The following DIAPH3 variants were observed in gnomAD, a reference collection of about 807,000 sequenced individuals.
The protein encoded by DIAPH3 is protein diaphanous homolog 3.
Under a neutral mutation model 144.3 loss-of-function variants are expected in DIAPH3, and 117 were observed. That is an observed-to-expected ratio of 0.81 (90% confidence interval 0.70 to 0.95). The LOEUF (loss-of-function observed/expected upper bound fraction) is 0.95, where lower values mean the gene tolerates loss of function less well. DIAPH3 is among the 40% of genes least tolerant of loss of function. DIAPH3 has a pLI of 0.00. For missense variants in DIAPH3, 1,421 were observed against 1,412.7 expected, an observed-to-expected ratio of 1.01 and a Z score of -0.09; for synonymous variants, 519 against 488.9, an observed-to-expected ratio of 1.06 and a Z score of -0.81.
At chr13:59,863,494 A>G (rs2043726595) in intron 21 of DIAPH3, among the ~76,000 whole-genome samples, 1 of 152,182 alleles carries the variant, frequency 6.6e-6, no homozygotes, top group Non-Finnish European at 1.5e-5. Context: ...AATAACTGTT[A>G]AAGTCCAGTA....
chr13:60,163,517 G>A, intron 1 of DIAPH3, 70 bp downstream of exon 1: 1 of 1,574,734 alleles, frequency 6.4e-7, no homozygotes, highest in Non-Finnish European at 8.6e-7. Context: ...AGTTCTTGTG[G>A]GCCCACCCTC....
chr13:59,742,547 A>G (rs1050490620), intron 27 of DIAPH3, among the ~76,000 whole-genome samples: 2 of 152,000 alleles, frequency 1.3e-5, no homozygotes, highest in Non-Finnish European at 2.9e-5. Flanking sequence ...TGATGTAAGC[A>G]TGGATGCTGC....
At chr13:59,883,384 G>A (rs1189027397) in intron 20 of DIAPH3, among the ~76,000 whole-genome samples, 1 of 151,970 alleles carries the variant, frequency 6.6e-6, no homozygotes, top group Non-Finnish European at 1.5e-5. Flanking sequence ...GTTGTCAGAT[G>A]TTTTTTTCCC....
intron 27 of DIAPH3, among the ~76,000 whole-genome samples, chr13:59,671,539 A>G (rs1214677169): frequency 6.6e-6 from 1 of 152,166 alleles, no homozygotes; most frequent in African/African-American, 2.4e-5. Context: ...CTCTATGTGC[A>G]ATATATCTAG....
chr13:59,813,027 T>C (rs1314462277), intron 24 of DIAPH3, among the ~76,000 whole-genome samples: 1 of 152,002 alleles, frequency 6.6e-6, no homozygotes, highest in Non-Finnish European at 1.5e-5. Context: ...CTACCTATTA[T>C]AAAAGACTGC....
At chr13:60,051,274 C>G (rs2056333794) in intron 4 of DIAPH3, among the ~76,000 whole-genome samples, 1 of 151,580 alleles carries the variant, frequency 6.6e-6, no homozygotes, top group Admixed American at 6.6e-5. Context: ...TGAGAATGAC[C>G]AAGAAAAGGA....
At chr13:60,086,613 A>C (rs938623484) in intron 4 of DIAPH3, among the ~76,000 whole-genome samples, 2 of 144,680 alleles carry the variant, frequency 1.4e-5, no homozygotes, top group African/African-American at 5.1e-5. Flanking sequence ...AAAAAAAAAA[A>C]TTCACGTTAA....
At chr13:59,861,990 G>A (rs1328110586) in intron 21 of DIAPH3, among the ~76,000 whole-genome samples, 1 of 152,152 alleles carries the variant, frequency 6.6e-6, no homozygotes, top group Non-Finnish European at 1.5e-5. Context: ...ATTTGCCTTG[G>A]TGTGACAAAT....
chr13:59,959,032 T>C (rs556745719), intron 17 of DIAPH3, among the ~76,000 whole-genome samples: 1 of 152,144 alleles, frequency 6.6e-6, no homozygotes, highest in African/African-American at 2.4e-5. Flanking sequence ...TCCGCCATCA[T>C]ACCCTGCTAA....
At chr13:60,063,068 T>C (rs1354265901) in intron 4 of DIAPH3, among the ~76,000 whole-genome samples, 1 of 152,220 alleles carries the variant, frequency 6.6e-6, no homozygotes, top group Non-Finnish European at 1.5e-5. Flanking sequence ...TGATAGCATT[T>C]TACTTTCAAA....
At chr13:60,042,634 A>G in intron 5 of DIAPH3, 56 bp downstream of exon 5, 3 of 1,607,596 alleles carry the variant, frequency 1.9e-6, no homozygotes, top group Non-Finnish European at 2.6e-6. Context: ...AAAGTATTAA[A>G]CTAAAAGAAC....
At chr13:59,873,660 T>C (rs1399078667) in intron 21 of DIAPH3, among the ~76,000 whole-genome samples, 1 of 149,566 alleles carries the variant, frequency 6.7e-6, no homozygotes, top group Non-Finnish European at 1.5e-5. Flanking sequence ...TTTTTGAAAA[T>C]ATTTTCACCA....
intron 23 of DIAPH3, chr13:59,838,467 A>G (rs2042158841): frequency 6.6e-6 from 1 of 152,080 alleles, no homozygotes; most frequent in Non-Finnish European, 1.5e-5. Flanking sequence ...GAAAATATCA[A>G]TACAAGTAGT....
At chr13:59,673,979 T>G (rs1321980959) in intron 27 of DIAPH3, among the ~76,000 whole-genome samples, 2 of 152,194 alleles carry the variant, frequency 1.3e-5, no homozygotes, top group African/African-American at 4.8e-5. Flanking sequence ...AGCAAATTAT[T>G]GAATTTGAGA....
intron 1 of DIAPH3, among the ~76,000 whole-genome samples, chr13:60,148,846 T>G (rs1010445666): frequency 1.3e-5 from 2 of 152,324 alleles, no homozygotes; most frequent in Non-Finnish European, 2.9e-5. Context: ...TTATGCTACA[T>G]GAACTCCCCA....
chr13:59,982,419 C>T (rs1465259786), intron 13 of DIAPH3, among the ~76,000 whole-genome samples: 1 of 151,010 alleles, frequency 6.6e-6, no homozygotes, highest in Non-Finnish European at 1.5e-5. Flanking sequence ...TCTTCCCACT[C>T]CCCCCACCCC....
In DIAPH3 at chr13:59,665,782, T is replaced by C. The variant is rs1338213061; in HGVS notation, c.*802A>G. On this transcript the variant is annotated 3_prime_UTR_variant, in exon 28 of 28. Coordinates refer to ENST00000400324, the MANE Select transcript of DIAPH3 (RefSeq NM_001042517.2). ...TTTATTCATAAAATAAAAAAAGTTG[T>C]TACTTTGGAAATTTCAAAATGGCAA... The C allele has an allele frequency of 2.6e-5, 4 of 152,638 alleles. No homozygotes were observed. The highest frequency in any genetic ancestry group is 5.9e-5 in the Non-Finnish European group (4 of 68,034). 9.5% of individuals were successfully genotyped at this position (152,638 alleles called of 1,614,324 possible). A position where few individuals can be genotyped will look rare whatever the true frequency, so the allele number is the denominator to read the frequency against.
chr13:59,683,319 T>C (rs1422156720), intron 27 of DIAPH3, among the ~76,000 whole-genome samples: 4 of 152,170 alleles, frequency 2.6e-5, no homozygotes, highest in Non-Finnish European at 5.9e-5. Flanking sequence ...TTTATGACTT[T>C]TAGCAAAATT....
At chr13:59,800,332 T>A (rs995362651) in intron 25 of DIAPH3, among the ~76,000 whole-genome samples, 1 of 152,194 alleles carries the variant, frequency 6.6e-6, no homozygotes, top group African/African-American at 2.4e-5. Flanking sequence ...CCTACTTATA[T>A]CAAAGTGCAA....
Sources: allele counts gnomAD v4.1 joint callset (sites outside exome capture counted in the v4.1 genomes callset), GRCh38; gene constraint gnomAD v4.1.1; transcripts MANE v1.5; gene names NCBI Gene and HGNC (gene_info 2026-07-23, HGNC 2026-07-21).